ACSS1: variants seen among roughly 807,000 people sequenced by gnomAD.
The protein encoded by ACSS1 is acyl-CoA synthetase short chain family member 1, also known as acetyl-coenzyme A synthetase 2-like, mitochondrial.
ACSS1 carries 42 observed loss-of-function variants against 75.3 expected under a neutral mutation model. The observed-to-expected ratio is 0.56, with a 90% CI of 0.44 to 0.72. The LOEUF (loss-of-function observed/expected upper bound fraction) is 0.72, where lower values mean the gene tolerates loss of function less well. ACSS1 is among the 30% of genes least tolerant of loss of function. The probability of loss-of-function intolerance (pLI) is 0.00; values close to 1 mark genes in which losing one functional copy is unlikely to be tolerated. For missense variants in ACSS1, 782 were observed against 935.7 expected, an observed-to-expected ratio of 0.84 and a Z score of 2.14; for synonymous variants, 380 against 376.8, an observed-to-expected ratio of 1.01 and a Z score of -0.10.
chr20:25,023,618 A>C lies in ACSS1; in HGVS notation c.655T>G (p.Phe219Val), dbSNP rs1243444364. 2 of 1,610,210 alleles carry C rather than the reference A, an allele frequency of 1.2e-6. No individual in the cohort carries two copies. Among genetic ancestry groups the C allele is most frequent in the Admixed American group, 3.3e-5 (2 of 59,818 alleles). The part of the protein sequence containing the change: ...NDAKCKVVIT[F>V]NQGLRGGRVV... ...CGCCCACCCCGGAGTCCTTGGTTGA[A>C]GGTGATAACCACCTTGCACTTGGCT... Residue 219 changes from phenylalanine (F) to valine (V), a missense_variant, in exon 4 of 14, where the codon TTC becomes GTC. Physicochemically the swap from Phe to Val is conservative, Grantham distance 50. Around this residue, in one of 2 missense-constraint regions of ACSS1, gnomAD observed 377 missense variants for 383.1 expected, o/e 0.98. Transcript: ENST00000323482.
chr20:25,020,280 A>G (rs1487981166), intron 6 of ACSS1, 133 bp from the exon 7 acceptor site: 8 of 1,184,800 alleles, frequency 6.8e-6, no homozygotes, highest in South Asian at 2.8e-5. Flanking sequence ...GGATCCCCCC[A>G]ACCCCCCACC....
chr20:25,022,834 C>G (rs1393143301), intron 5 of ACSS1, 106 bp downstream of exon 5: 7 of 1,403,526 alleles, frequency 5.0e-6, no homozygotes, highest in Non-Finnish European at 6.5e-6. Flanking sequence ...GGAAGAAACA[C>G]TGACCTCTCA....
intron 2 of ACSS1, chr20:25,046,647 G>C: frequency 1.6e-6 from 1 of 615,712 alleles, no homozygotes; most frequent in Non-Finnish European, 2.9e-6. Flanking sequence ...ACTACTCCAG[G>C]GGCAGCAGCC....
chr20:25,010,382 T>A (rs997058639), intron 12 of ACSS1: 1 of 152,310 alleles, frequency 6.6e-6, no homozygotes, highest in African/African-American at 2.4e-5. Context: ...TCTAGAACCA[T>A]GCCTGGAACA....
Position 25,023,170 on chromosome 20 carries a change from A to G in ACSS1, c.808-78T>C, listed in dbSNP as rs1209508588. ...AGCAGCACTCCCCCTCCGCAGCAGG[A>G]CTCCACACACAGGATTCAGAATTCA... On this transcript the variant is annotated intron_variant, in intron 4 of 13. Transcript: ENST00000323482. The G allele has an allele frequency of 9.3e-6, 14 of 1,499,200 alleles. No individual in the cohort carries two copies. In the East Asian group the frequency reaches 3.3e-4, roughly 35 times the overall value. The allele number at this position is 1,499,200 out of a possible 1,614,324, so 92.9% of individuals were successfully genotyped here. A position where few individuals can be genotyped will look rare whatever the true frequency, so the allele number is the denominator to read the frequency against.
chr20:25,057,624 G>A, intron 1 of ACSS1, 145 bp downstream of exon 1: 7 of 695,020 alleles, frequency 1.0e-5, no homozygotes, highest in Admixed American at 3.3e-5. Flanking sequence ...GCTTAGAGCG[G>A]GCGGGGCGGA....
In ACSS1 at chr20:25,031,001, C is replaced by T. The variant is rs1048405212; in HGVS notation, c.432-43G>A. 15 of 1,599,934 alleles carry T rather than the reference C, an allele frequency of 9.4e-6. No homozygotes were observed. In the African/African-American group the frequency reaches 1.7e-4, roughly 19 times the overall value. On this transcript the variant is annotated intron_variant, in intron 2 of 13. Coordinates refer to ENST00000323482, the MANE Select transcript of ACSS1 (RefSeq NM_032501.4). ...GAAAGCCATCAGAGATGGAGGAGGGCCAAAATGCAGAGCAGTTTGGGGGTG... is the reference window on the plus strand; with the variant it reads ...GAAAGCCATCAGAGATGGAGGAGGGTCAAAATGCAGAGCAGTTTGGGGGTG...
chr20:25,010,824 T>G (rs1317060530), intron 12 of ACSS1: 3 of 152,384 alleles, frequency 2.0e-5, no homozygotes, highest in African/African-American at 7.2e-5. Flanking sequence ...CTCAGGACAC[T>G]GGAGACAAGA....
chr20:25,052,990 C>T (rs1318149467), intron 1 of ACSS1, among the ~76,000 whole-genome samples: 4 of 152,000 alleles, frequency 2.6e-5, no homozygotes, highest in African/African-American at 7.3e-5. Context: ...CACACTCACA[C>T]ACCCTAACTG....
At chr20:25,025,849 G>A (rs1600323572) in intron 3 of ACSS1, among the ~76,000 whole-genome samples, 1 of 152,092 alleles carries the variant, frequency 6.6e-6, no homozygotes, top group Middle Eastern at 3.4e-3. Context: ...GCCTCTAGTT[G>A]GAGCAAGTTC....
In ACSS1 at chr20:25,013,516, GT is replaced by G; in HGVS notation, c.1579+19del. 1.3e-6 allele frequency: 2 copies of G among 1,575,436 alleles called. No individual in the cohort carries two copies. Among genetic ancestry groups the G allele is most frequent in the Non-Finnish European group, 1.7e-6 (2 of 1,155,250 alleles). On this transcript the variant is annotated intron_variant, in intron 10 of 13. Transcript: ENST00000323482. ...CAGTCAGCTGAAAAGGAATGAGAGGGTCCCTGACAGCCTGCTCACCTGGGTA... is the reference window on the plus strand; with the variant it reads ...CAGTCAGCTGAAAAGGAATGAGAGGGCCCTGACAGCCTGCTCACCTGGGTA...
intron 1 of ACSS1, among the ~76,000 whole-genome samples, chr20:25,051,812 A>G (rs944703902): frequency 1.3e-5 from 2 of 152,130 alleles, no homozygotes; most frequent in African/African-American, 4.8e-5. Flanking sequence ...CTCACTAACC[A>G]CAGACAATGC....
chr20:25,026,323 G>A (rs867248557), intron 3 of ACSS1, among the ~76,000 whole-genome samples: 14 of 152,156 alleles, frequency 9.2e-5, no homozygotes, highest in East Asian at 1.9e-4. Flanking sequence ...GAATGGCCAC[G>A]GACTGGTTCG....
intron 2 of ACSS1, among the ~76,000 whole-genome samples, chr20:25,042,036 G>A (rs1363193869): frequency 2.0e-5 from 3 of 151,770 alleles, no homozygotes; most frequent in Non-Finnish European, 4.4e-5. Flanking sequence ...CAACCCACCC[G>A]CTGGCCTAGA....
intron 1 of ACSS1, among the ~76,000 whole-genome samples, chr20:25,051,245 C>T (rs757193349): frequency 4.6e-5 from 7 of 152,220 alleles, no homozygotes; most frequent in South Asian, 2.1e-4. Context: ...CTGCCTGCTG[C>T]GCTCCCTAGG....
chr20:25,036,854 C>G (rs1411379907), intron 2 of ACSS1, among the ~76,000 whole-genome samples: 2 of 151,276 alleles, frequency 1.3e-5, no homozygotes, highest in Non-Finnish European at 2.9e-5. Context: ...ACTTGGGAGG[C>G]TAAGGCAGGA....
At chr20:25,017,544 T>C (rs186149391) in intron 7 of ACSS1, among the ~76,000 whole-genome samples, 1 of 152,324 alleles carries the variant, frequency 6.6e-6, no homozygotes, top group African/African-American at 2.4e-5. Context: ...GATTAGCACC[T>C]GGCCTCCCGC....
Position 25,007,844 on chromosome 20 carries a change from G to GT in ACSS1, c.1987dup (p.Thr663AsnfsTer27). 6.2e-7 allele frequency: 1 copy of GT among 1,614,212 alleles called. No homozygotes were observed. The highest frequency in any genetic ancestry group is 8.5e-7 in the Non-Finnish European group (1 of 1,180,044). On this transcript the variant is annotated frameshift_variant, in exon 14 of 14. Transcript: ENST00000323482. LOFTEE classifies it high-confidence loss of function. ...GATGATGCTGGGGTCCTCCAAGGTGGTAGTGTCTCCCAGCTCCTGGGCCTC... is the reference window on the plus strand; with the variant it reads ...GATGATGCTGGGGTCCTCCAAGGTGGTTAGTGTCTCCCAGCTCCTGGGCCTC...
chr20:25,009,215 G>T, intron 13 of ACSS1, 55 bp downstream of exon 13: 1 of 1,397,800 alleles, frequency 7.2e-7, no homozygotes. Flanking sequence ...ATTGTCACTT[G>T]ACAATTGTGG....
Sources: gnomAD v4.1 joint callset for allele counts (sites outside exome capture counted in the v4.1 genomes callset) on GRCh38, gnomAD v4.1.1 for gene constraint, gnomAD v4.1.1 regional missense constraint, MANE v1.5 for transcripts, NCBI Gene and HGNC (gene_info 2026-07-23, HGNC 2026-07-21) for gene names.